The following NKAIN2 variants were observed in gnomAD, a reference collection of about 807,000 sequenced individuals.
The protein encoded by NKAIN2 is sodium/potassium-transporting ATPase subunit beta-1-interacting protein 2.
NKAIN2 carries 14 observed loss-of-function variants against 32.6 expected under a neutral mutation model. The ratio of observed to expected loss-of-function variants is 0.43; its 90% confidence interval spans 0.28 to 0.67. NKAIN2 has a LOEUF of 0.67. Among genes scored for constraint, NKAIN2 ranks in the 30% least tolerant of loss-of-function variants. The probability of loss-of-function intolerance (pLI) is 0.17; values close to 1 mark genes in which losing one functional copy is unlikely to be tolerated. For synonymous variants in NKAIN2, 80 were observed against 87.2 expected (o/e 0.92, Z 0.46); for missense variants, 198 against 258.3 (o/e 0.77, Z 1.60).
At chr6:124,549,218 A>G (rs1780202427) in intron 3 of NKAIN2, among the ~76,000 whole-genome samples, 1 of 151,996 alleles carries the variant, frequency 6.6e-6, no homozygotes, top group South Asian at 2.1e-4. Flanking sequence ...TACAAAATAA[A>G]TTAGCCAGGT....
intron 3 of NKAIN2, among the ~76,000 whole-genome samples, chr6:124,470,000 TTGAGA>T (rs201477808): frequency 0.014 from 2,058 of 152,290 alleles, 103 homozygotes; most frequent in Admixed American, 0.093. Context: ...GAGTTACAGT[TTGAGA>T]TGCTCAGGGA....
intron 1 of NKAIN2, among the ~76,000 whole-genome samples, chr6:124,042,229 G>A (rs1184344179): frequency 6.6e-6 from 1 of 152,108 alleles, no homozygotes; most frequent in African/African-American, 2.4e-5. Context: ...TTATGTGCTT[G>A]ATAGCACAGT....
chr6:123,984,222 T>A (rs556524289), intron 1 of NKAIN2, among the ~76,000 whole-genome samples: 3 of 152,214 alleles, frequency 2.0e-5, no homozygotes, highest in African/African-American at 7.2e-5. Context: ...CTCCATTCTT[T>A]AAAGTGAAGG....
intron 2 of NKAIN2, among the ~76,000 whole-genome samples, chr6:124,328,515 T>A (rs1797511602): frequency 6.6e-6 from 1 of 152,192 alleles, no homozygotes; most frequent in Admixed American, 6.5e-5. Flanking sequence ...TACCCTGGGA[T>A]ACAGACTCTG....
chr6:123,841,696 T>C (rs1226104341), intron 1 of NKAIN2, among the ~76,000 whole-genome samples: 1 of 152,164 alleles, frequency 6.6e-6, no homozygotes, highest in African/African-American at 2.4e-5. Flanking sequence ...TAACAGCTGC[T>C]GAGTCGGCCC....
At chr6:124,431,721 C>T (rs905774186) in intron 3 of NKAIN2, among the ~76,000 whole-genome samples, 5 of 152,134 alleles carry the variant, frequency 3.3e-5, no homozygotes, top group Admixed American at 1.3e-4. Context: ...ACTGCCATCT[C>T]AGAGATTCAC....
intron 3 of NKAIN2, among the ~76,000 whole-genome samples, chr6:124,467,193 G>A (rs1776794259): frequency 6.6e-6 from 1 of 151,958 alleles, no homozygotes; most frequent in South Asian, 2.1e-4. Flanking sequence ...ATAAAAACAA[G>A]GTGTAATGCT....
intron 4 of NKAIN2, among the ~76,000 whole-genome samples, chr6:124,673,697 A>G (rs1773215217): frequency 6.6e-6 from 1 of 151,262 alleles, no homozygotes; most frequent in African/African-American, 2.4e-5. Context: ...TTGAAGAAAT[A>G]TTTACTTAAG....
intron 1 of NKAIN2, among the ~76,000 whole-genome samples, chr6:123,933,608 A>C (rs1396193240): frequency 6.6e-6 from 1 of 152,218 alleles, no homozygotes; most frequent in Middle Eastern, 3.2e-3. Context: ...AATACAGAAA[A>C]GTAGCGTGAG....
chr6:124,416,539 T>C (rs1774495952), intron 3 of NKAIN2, among the ~76,000 whole-genome samples: 1 of 152,170 alleles, frequency 6.6e-6, no homozygotes, highest in South Asian at 2.1e-4. Flanking sequence ...CTTGGTAGGC[T>C]GTGGCCAGAG....
chr6:124,060,799 A>G (rs915637541), intron 1 of NKAIN2, among the ~76,000 whole-genome samples: 21 of 152,190 alleles, frequency 1.4e-4, no homozygotes, highest in Admixed American at 1.2e-3. Flanking sequence ...ATAAAACAAT[A>G]GAAAAATTGG....
intron 1 of NKAIN2, among the ~76,000 whole-genome samples, chr6:123,957,862 C>A (rs953806599): frequency 6.6e-6 from 1 of 152,048 alleles, no homozygotes; most frequent in Non-Finnish European, 1.5e-5. Context: ...TTACATTAAA[C>A]CTTAGTGTTT....
intron 3 of NKAIN2, among the ~76,000 whole-genome samples, chr6:124,581,066 T>G (rs190055399): frequency 6.6e-6 from 1 of 152,146 alleles, no homozygotes; most frequent in East Asian, 1.9e-4. Context: ...AAGAGAGAGA[T>G]AGACCCCAAT....
intron 4 of NKAIN2, among the ~76,000 whole-genome samples, chr6:124,681,923 G>T (rs1289813772): frequency 1.3e-5 from 2 of 151,886 alleles, no homozygotes; most frequent in Admixed American, 6.6e-5. Flanking sequence ...AAGCAAATTT[G>T]CAAAGAAACC....
In NKAIN2 at chr6:124,699,992, TTTTC is replaced by T. The variant is rs367799563; in HGVS notation, c.474+41615_474+41618del. Among the ~76,000 whole-genome samples, 248 of 152,284 alleles carry T rather than the reference TTTTC, an allele frequency of 1.6e-3. 2 individuals are homozygous for T. Among genetic ancestry groups the T allele is most frequent in the African/African-American group, 5.4e-3 (225 of 41,562 alleles). On this transcript the variant is annotated intron_variant, in intron 4 of 6. Transcript: ENST00000368417. ...GGGGAACAATTACATTTCCTTTTCTTTTTCTTTCTTTCAGTTAAGTAAGATTTAG... is the reference window on the plus strand; with the variant it reads ...GGGGAACAATTACATTTCCTTTTCTTTTTCTTTCAGTTAAGTAAGATTTAG...
At chr6:124,821,211 C>A (rs1009394517) in intron 6 of NKAIN2, among the ~76,000 whole-genome samples, 2 of 151,664 alleles carry the variant, frequency 1.3e-5, no homozygotes, top group Admixed American at 1.3e-4. Flanking sequence ...AGGAGAATCT[C>A]TGGAACCTGG....
intron 1 of NKAIN2, among the ~76,000 whole-genome samples, chr6:123,807,769 G>C (rs1773280769): frequency 6.6e-6 from 1 of 152,042 alleles, no homozygotes; most frequent in African/African-American, 2.4e-5. Context: ...CACAAAACAT[G>C]TCATAAACTA....
chr6:124,076,989 TTATAAC>T (rs1412851937), intron 1 of NKAIN2, among the ~76,000 whole-genome samples: 1 of 151,990 alleles, frequency 6.6e-6, no homozygotes, highest in African/African-American at 2.4e-5. Flanking sequence ...AATAGGCACT[TTATAAC>T]TATTTTTTAG....
intron 1 of NKAIN2, among the ~76,000 whole-genome samples, chr6:123,833,006 T>A (rs1466086679): frequency 1.3e-5 from 2 of 152,206 alleles, no homozygotes; most frequent in Non-Finnish European, 2.9e-5. Context: ...CTCTTTGGGG[T>A]TTTGTCTAAA....
Sources: gnomAD v4.1 joint callset for allele counts (sites outside exome capture counted in the v4.1 genomes callset) on GRCh38, gnomAD v4.1.1 for gene constraint, MANE v1.5 for transcripts, NCBI Gene and HGNC (gene_info 2026-07-23, HGNC 2026-07-21) for gene names.